Variants in ATF6 observed in about 807,000 individuals in gnomAD.
ATF6 encodes activating transcription factor 6, also known as cyclic AMP-dependent transcription factor ATF-6 alpha.
A neutral mutation model predicts 83.6 loss-of-function variants in ATF6; 53 were observed. That is an observed-to-expected ratio of 0.63 (90% CI 0.51 to 0.80). The LOEUF is 0.80. ATF6 is among the 30% of genes least tolerant of loss of function. ATF6 has a pLI of 0.00. For missense variants in ATF6, 744 were observed against 797.9 expected, an observed-to-expected ratio of 0.93 and a Z score of 0.81; for synonymous variants, 288 against 285.8, an observed-to-expected ratio of 1.01 and a Z score of -0.08.
Position 161,778,254 on chromosome 1 carries a change from C to G in ATF6, c.93C>G (p.Leu31=), listed in dbSNP as rs1025366831. The G allele has an allele frequency of 5.6e-6, 9 of 1,613,264 alleles. No homozygotes were observed. The highest frequency in any genetic ancestry group is 6.8e-6 in the Non-Finnish European group (8 of 1,179,634). The change falls in exon 2 of 16, where the codon CTC becomes CTG. Residue 31 remains leucine (L), a synonymous_variant. Transcript: ENST00000367942. ...TTCCTTTGTCCAAAGATTCTGCTCT[C>G]TTTGCTGAACTCGGTTATTTCACAG... is the stretch of plus-strand genomic sequence containing the variant. ...HRLDEDWDSA[L]FAELGYFTDT...
intron 1 of ATF6, among the ~76,000 whole-genome samples, chr1:161,773,114 T>C (rs926210452): frequency 6.6e-6 from 1 of 150,492 alleles, no homozygotes; most frequent in Non-Finnish European, 1.5e-5. Flanking sequence ...TACAGGCGCC[T>C]GCCACCATGC....
chr1:161,963,958 G>A lies in ATF6; in HGVS notation c.*5304G>A, dbSNP rs969434371. 4 of 152,110 alleles carry A rather than the reference G, an allele frequency of 2.6e-5. No homozygotes were observed. The highest frequency in any genetic ancestry group is 1.3e-4 in the Admixed American group (2 of 15,276). 9.4% of individuals were successfully genotyped at this position (152,110 alleles called of 1,614,324 possible). On this transcript the variant is annotated 3_prime_UTR_variant, in exon 16 of 16. Transcript: ENST00000367942. Reference sequence around the variant, plus strand: ...TACCATTCTCTCCCTTAATAATGATGTTGGTTTGCAAAACCTAAAGAAATA... The same window carrying A: ...TACCATTCTCTCCCTTAATAATGATATTGGTTTGCAAAACCTAAAGAAATA...
At chr1:161,867,058 G>T (rs1354600562) in intron 14 of ATF6, among the ~76,000 whole-genome samples, 1 of 152,184 alleles carries the variant, frequency 6.6e-6, no homozygotes, top group Non-Finnish European at 1.5e-5. Context: ...ACGTTGGGAG[G>T]CCGAGGCGGG....
At chr1:161,884,408 T>C (rs1176533152) in intron 14 of ATF6, among the ~76,000 whole-genome samples, 1 of 152,126 alleles carries the variant, frequency 6.6e-6, no homozygotes, top group East Asian at 1.9e-4. Context: ...GAAATAACTT[T>C]AGAGCTTAAA....
chr1:161,890,444 A>G (rs895719935), intron 14 of ATF6, among the ~76,000 whole-genome samples: 3 of 152,216 alleles, frequency 2.0e-5, no homozygotes, highest in African/African-American at 7.2e-5. Flanking sequence ...TCTTTTCAAA[A>G]GAGATTGTAT....
rs1427354452 is a variant in ATF6 at position 161,851,759 on chromosome 1, G to A, written c.1357G>A (p.Val453Met). 6.2e-7 allele frequency: 1 copy of A among 1,613,832 alleles called. No individual in the cohort carries two copies. Among genetic ancestry groups the A allele is most frequent in the East Asian group, 2.2e-5 (1 of 44,854 alleles). The change falls in exon 11 of 16, where the codon GTG becomes ATG. Residue 453 changes from valine to methionine, a missense_variant. Physicochemically the swap from Val to Met is conservative, Grantham distance 21. Coordinates refer to ENST00000367942, the MANE Select transcript of ATF6 (RefSeq NM_007348.4). ...TGTTTCAAATGACAAAGCCCTGATG[G>A]TGCTAACTGAAGAACCATTGCTTTA... ...HSVSNDKALM[V>M]LTEEPLLYIP... is the part of the protein sequence containing the mutation.
At chr1:161,948,098 G>A (rs1386167701) in intron 15 of ATF6, among the ~76,000 whole-genome samples, 1 of 151,984 alleles carries the variant, frequency 6.6e-6, no homozygotes, top group Non-Finnish European at 1.5e-5. Context: ...AGTACCTTAA[G>A]CCATTCCTTT....
chr1:161,791,424 CT>C lies in ATF6; in HGVS notation c.373del (p.Ser125LeufsTer24). ...TQHVPEELDL[S>X]SSSQMSPLSL... ...ATGCTACAGGAGGAGTTGGATTTGT[CT>C]TCTAGTTCTCAGATGTCTCCCCTTT... is the stretch of plus-strand genomic sequence containing the variant. On this transcript the variant is annotated frameshift_variant, in exon 5 of 16. Transcript: ENST00000367942. LOFTEE classifies it high-confidence loss of function. 1 of 1,608,818 alleles carries C rather than the reference CT, an allele frequency of 6.2e-7. No homozygotes were observed. The highest frequency in any genetic ancestry group is 8.5e-7 in the Non-Finnish European group (1 of 1,178,460).
intron 15 of ATF6, among the ~76,000 whole-genome samples, chr1:161,945,310 T>G (rs1374409041): frequency 6.6e-6 from 1 of 152,224 alleles, no homozygotes; most frequent in Non-Finnish European, 1.5e-5. Context: ...ATGCCCTCAG[T>G]CACCTTCTTA....
chr1:161,877,458 T>G (rs985026632), intron 14 of ATF6, among the ~76,000 whole-genome samples: 1 of 151,960 alleles, frequency 6.6e-6, no homozygotes, highest in Non-Finnish European at 1.5e-5. Flanking sequence ...ATGAAGGCAG[T>G]TAAGTAAGGC....
intron 14 of ATF6, among the ~76,000 whole-genome samples, chr1:161,883,677 T>G (rs1171479233): frequency 1.3e-5 from 2 of 152,046 alleles, no homozygotes; most frequent in African/African-American, 4.8e-5. Context: ...AGTGTTATCT[T>G]AGAAGCATTA....
At chr1:161,835,402 C>T (rs1183169459) in intron 9 of ATF6, among the ~76,000 whole-genome samples, 1 of 152,104 alleles carries the variant, frequency 6.6e-6, no homozygotes, top group African/African-American at 2.4e-5. Context: ...CTACCCAAGA[C>T]CTATGAAGTC....
At chr1:161,774,304 C>G (rs951205799) in intron 1 of ATF6, among the ~76,000 whole-genome samples, 1 of 151,760 alleles carries the variant, frequency 6.6e-6, no homozygotes, top group African/African-American at 2.4e-5. Context: ...GAAAGAGGGG[C>G]AAGGGCAGAA....
chr1:161,873,759 A>G (rs1370131687), intron 14 of ATF6, among the ~76,000 whole-genome samples: 1 of 151,582 alleles, frequency 6.6e-6, no homozygotes, highest in African/African-American at 2.4e-5. Context: ...TAGTTTCTAA[A>G]TAATAATAAG....
chr1:161,839,148 A>G (rs1686294191), intron 9 of ATF6, among the ~76,000 whole-genome samples: 1 of 152,174 alleles, frequency 6.6e-6, no homozygotes, highest in Admixed American at 6.5e-5. Flanking sequence ...CAGATGGTGC[A>G]TGAAGTTTAT....
chr1:161,883,105 C>T (rs567838584), intron 14 of ATF6, among the ~76,000 whole-genome samples: 9 of 151,970 alleles, frequency 5.9e-5, no homozygotes, highest in Non-Finnish European at 1.3e-4. Flanking sequence ...TGGCATGTTT[C>T]GAAAGAGTGT....
At chr1:161,815,314 C>G (rs1229127433) in intron 7 of ATF6, among the ~76,000 whole-genome samples, 1 of 150,244 alleles carries the variant, frequency 6.7e-6, no homozygotes, top group South Asian at 2.1e-4. Context: ...GCCTCAGCCT[C>G]TAGGGTAGCT....
intron 15 of ATF6, among the ~76,000 whole-genome samples, chr1:161,958,212 C>T (rs6695574): frequency 0.64 from 96,713 of 151,812 alleles, 32,370 homozygotes; most frequent in Non-Finnish European, 0.75. Context: ...TTGCTTTAGC[C>T]GTTGTTTAGT....
intron 14 of ATF6, among the ~76,000 whole-genome samples, chr1:161,866,743 T>TTTTGTTTG: frequency 6.6e-6 from 1 of 152,218 alleles, no homozygotes; most frequent in East Asian, 1.9e-4. Context: ...TTAATGCCTT[T>TTTTGTTTG]TTTGTTTGTT....
Sources: allele counts gnomAD v4.1 joint callset (sites outside exome capture counted in the v4.1 genomes callset), GRCh38; gene constraint gnomAD v4.1.1; transcripts MANE v1.5; gene names NCBI Gene and HGNC (gene_info 2026-07-23, HGNC 2026-07-21).